The following SMARCB1 variants were observed in gnomAD, a reference collection of about 807,000 sequenced individuals.
SMARCB1 encodes SWI/SNF related BAF chromatin remodeling complex subunit B1.
Under a neutral mutation model 49.0 loss-of-function variants are expected in SMARCB1, and 5 were observed. The observed-to-expected ratio is 0.10, with a 90% CI of 0.05 to 0.21. SMARCB1 has a LOEUF of 0.21. Among genes scored for constraint, SMARCB1 ranks in the 10% least tolerant of loss-of-function variants. SMARCB1 has a pLI of 1.00. For missense variants in SMARCB1, 226 were observed against 509.2 expected, an observed-to-expected ratio of 0.44 and a Z score of 5.35; for synonymous variants, 201 against 200.1, an observed-to-expected ratio of 1.00 and a Z score of -0.04.
At chr22:23,832,670 G>A (rs777273503) in intron 7 of SMARCB1, among the ~76,000 whole-genome samples, 1 of 149,296 alleles carries the variant, frequency 6.7e-6, no homozygotes, top group African/African-American at 2.5e-5. Context: ...AGAGGTGGGG[G>A]TGACGGGACC....
rs1236515164 is a variant in SMARCB1 at position 23,813,435 on chromosome 22, A to AGATACAAGG, written c.629-3325_629-3317dup. On this transcript the variant is annotated intron_variant, in intron 5 of 8. Transcript: ENST00000644036. ...AATAACTGAATTCCCCAGGGTCACA[A>AGATACAAGG]GATACAAGGGATACAAGGTAAACAT... Among the ~76,000 whole-genome samples, 6 of 152,352 alleles carry AGATACAAGG rather than the reference A, an allele frequency of 3.9e-5. No individual in the cohort carries two copies. In the East Asian group the frequency reaches 7.7e-4, roughly 20 times the overall value.
Position 23,834,094 on chromosome 22 carries a change from G to A in SMARCB1, c.1119-47G>A, listed in dbSNP as rs748175822. ...AGAGCCTTGGGAAGGGCAGCGCCCA[G>A]GCTGGGAGCTGGCCCCGACTCATTG... is the stretch of plus-strand genomic sequence containing the variant. On this transcript the variant is annotated intron_variant, in intron 8 of 8. Transcript: ENST00000644036. 3 of 1,554,920 alleles carry A rather than the reference G, an allele frequency of 1.9e-6. No individual in the cohort carries two copies. The East Asian group carries it at 7.3e-5, about 38-fold the overall frequency.
chr22:23,804,289 G>C (rs1929356926), intron 5 of SMARCB1: 1 of 150,820 alleles, frequency 6.6e-6, no homozygotes, highest in Non-Finnish European at 1.5e-5. Context: ...CTGTAATCTT[G>C]AACTGCCTGG....
chr22:23,833,853 GC>G, intron 8 of SMARCB1, 150 bp downstream of exon 8: 1 of 905,986 alleles, frequency 1.1e-6, no homozygotes, highest in Non-Finnish European at 1.7e-6. Flanking sequence ...GGGTGATAAG[GC>G]CCCATCCAAA....
intron 7 of SMARCB1, among the ~76,000 whole-genome samples, chr22:23,826,463 G>C (rs911299855): frequency 1.1e-4 from 17 of 151,176 alleles, no homozygotes; most frequent in South Asian, 2.1e-4. Flanking sequence ...GAACTCTCCC[G>C]GCTCAGCAGG....
intron 7 of SMARCB1, chr22:23,826,212 C>G (rs910661725): frequency 6.8e-6 from 1 of 146,488 alleles, no homozygotes; most frequent in Non-Finnish European, 1.5e-5. Context: ...CCCAGTAGTT[C>G]AAGACCAGCC....
At chr22:23,834,099 G>T in intron 8 of SMARCB1, 42 bp from the exon 9 acceptor site, 1 of 1,559,088 alleles carries the variant, frequency 6.4e-7, no homozygotes, top group Non-Finnish European at 8.7e-7. Flanking sequence ...GCCCAGGCTG[G>T]GAGCTGGCCC....
rs145934279 is a variant in SMARCB1, at chr22:23,816,837, G to A, written c.696G>A (p.Thr232=). 9.6e-5 allele frequency: 155 copies of A among 1,613,908 alleles called. No individual in the cohort carries two copies. The highest frequency in any genetic ancestry group is 9.5e-5 in the Non-Finnish European group (112 of 1,179,834). ...LCDDLDLNPL[T]FVPAIASAIR... ...ACGATCTGGATTTGAACCCGCTGAC[G>A]TTTGTGCCAGCCATCGCCTCTGCCA... The change falls in exon 6 of 9, where the codon ACG becomes ACA. Residue 232 remains threonine, a synonymous_variant. Transcript: ENST00000644036.
chr22:23,814,423 C>T lies in SMARCB1; in HGVS notation c.629-2347C>T, dbSNP rs377486661. Among the ~76,000 whole-genome samples the T allele has an allele frequency of 2.0e-5, 3 of 152,032 alleles. No homozygotes were observed. In the East Asian group the frequency reaches 5.8e-4, roughly 29 times the overall value. ...GCTTACGTCTGTAATCCTAGCACTT[C>T]GGGAGGCTGAGGTGGGCAGATCACC... On this transcript the variant is annotated intron_variant, in intron 5 of 8. Transcript: ENST00000644036.
At chr22:23,789,080 G>C (rs77520973) in intron 1 of SMARCB1, among the ~76,000 whole-genome samples, 2 of 152,160 alleles carry the variant, frequency 1.3e-5, no homozygotes, top group African/African-American at 4.8e-5. Context: ...AAACTTGTGA[G>C]CTCAAGTGAT....
At chr22:23,810,662 A>G (rs956475311) in intron 5 of SMARCB1, among the ~76,000 whole-genome samples, 3 of 152,226 alleles carry the variant, frequency 2.0e-5, no homozygotes, top group African/African-American at 7.2e-5. Context: ...TCTTGGGTTT[A>G]ACAAATTATG....
Position 23,835,331 on chromosome 22 carries a change from C to T in SMARCB1, c.*1151C>T, listed in dbSNP as rs889790300. On this transcript the variant is annotated 3_prime_UTR_variant, in exon 9 of 9. Coordinates refer to ENST00000644036, the MANE Select transcript of SMARCB1 (RefSeq NM_003073.5). ...TTACTGAAGAGAATGGGCACAGATC[C>T]GGGCACAGATCCCAGCACAGACTGC... 5.4e-5 allele frequency: 54 copies of T among 1,004,968 alleles called. No homozygotes were observed. Among genetic ancestry groups the T allele is most frequent in the East Asian group, 1.0e-4 (1 of 9,918 alleles). The allele number at this position is 1,004,968 out of a possible 1,614,324, so 62.3% of individuals were successfully genotyped here.
chr22:23,814,951 CAA>C (rs143555631), intron 5 of SMARCB1: 18,345 of 116,456 alleles, frequency 0.16, 1,220 homozygotes, highest in South Asian at 0.32. Flanking sequence ...GCCTGGGCAA[CAA>C]GAGCAAAACT....
chr22:23,837,939 C>T lies in SMARCB1; in HGVS notation c.*3759C>T. On this transcript the variant is annotated 3_prime_UTR_variant, in exon 9 of 9. Transcript: ENST00000644036. ...CTTCCCAAGACCCTGGAATTCTTCCCCTCATCTCCCCTATGTGCTATTCCC... is the reference window on the plus strand; with the variant it reads ...CTTCCCAAGACCCTGGAATTCTTCCTCTCATCTCCCCTATGTGCTATTCCC... 1 of 1,361,388 alleles carries T rather than the reference C, an allele frequency of 7.3e-7. No homozygotes were observed. Among genetic ancestry groups the T allele is most frequent in the Admixed American group, 2.4e-5 (1 of 42,266 alleles). The allele number at this position is 1,361,388 out of a possible 1,614,324, so 84.3% of individuals were successfully genotyped here. A position where few individuals can be genotyped will look rare whatever the true frequency, so the allele number is the denominator to read the frequency against.
intron 6 of SMARCB1, among the ~76,000 whole-genome samples, chr22:23,819,770 C>T (rs942193565): frequency 1.3e-5 from 2 of 148,350 alleles, no homozygotes; most frequent in Non-Finnish European, 3.0e-5. Flanking sequence ...TATATTCCTA[C>T]CAGCAAGGCG....
rs902907022 is a variant in SMARCB1, at chr22:23,836,192, T to C, written c.*2012T>C. On this transcript the variant is annotated 3_prime_UTR_variant, in exon 9 of 9. Coordinates refer to ENST00000644036, the MANE Select transcript of SMARCB1 (RefSeq NM_003073.5). Reference sequence around the variant, plus strand: ...TCAGAACTCTGCTAAGGTGAAAACTTAGGCTCTGAGGTCATAGAAAGGGCA... The same window carrying C: ...TCAGAACTCTGCTAAGGTGAAAACTCAGGCTCTGAGGTCATAGAAAGGGCA... 3.0e-6 allele frequency: 3 copies of C among 985,304 alleles called. No homozygotes were observed. The Admixed American group carries it at 1.8e-4, about 61-fold the overall frequency. The allele number at this position is 985,304 out of a possible 1,614,324, so 61.0% of individuals were successfully genotyped here. A position where few individuals can be genotyped will look rare whatever the true frequency, so the allele number is the denominator to read the frequency against.
In SMARCB1 at chr22:23,836,608, C is replaced by G; in HGVS notation, c.*2428C>G. Reference sequence around the variant, plus strand: ...AGGCAACCATGGGCAGTTTCTTTGCCCTCTGTGGGCACCCCTATCCTACCA... The same window carrying G: ...AGGCAACCATGGGCAGTTTCTTTGCGCTCTGTGGGCACCCCTATCCTACCA... On this transcript the variant is annotated 3_prime_UTR_variant, in exon 9 of 9. Coordinates refer to ENST00000644036, the MANE Select transcript of SMARCB1 (RefSeq NM_003073.5). 8.3e-7 allele frequency: 1 copy of G among 1,200,796 alleles called. No individual in the cohort carries two copies. The highest frequency in any genetic ancestry group is 1.0e-6 in the Non-Finnish European group (1 of 970,094). 74.4% of individuals were successfully genotyped at this position (1,200,796 alleles called of 1,614,324 possible).
At chr22:23,787,353 A>C in intron 1 of SMARCB1, 91 bp downstream of exon 1, 12 of 673,648 alleles carry the variant, frequency 1.8e-5, no homozygotes, top group African/African-American at 2.6e-5. Context: ...GTCTCCATTC[A>C]TCGGGGCGGG....
chr22:23,822,942 C>A (rs1300735859), intron 6 of SMARCB1, among the ~76,000 whole-genome samples: 1 of 135,190 alleles, frequency 7.4e-6, no homozygotes, highest in African/African-American at 2.8e-5. Flanking sequence ...TCTGTCAGTG[C>A]CCCCACCAGC....
Sources: gnomAD v4.1 joint callset for allele counts (sites outside exome capture counted in the v4.1 genomes callset) on GRCh38, gnomAD v4.1.1 for gene constraint, MANE v1.5 for transcripts, NCBI Gene and HGNC (gene_info 2026-07-23, HGNC 2026-07-21) for gene names.